GOLGA8H: variants seen among roughly 807,000 people sequenced by gnomAD.
GOLGA8H encodes the protein golgin A8 family member H, also known as golgin subfamily A member 8H.
GOLGA8H carries 47 observed loss-of-function variants against 82.7 expected under a neutral mutation model. The observed-to-expected ratio is 0.57, with a 90% CI of 0.45 to 0.73. The LOEUF (loss-of-function observed/expected upper bound fraction) is 0.73, where lower values mean the gene tolerates loss of function less well. Ranked by LOEUF, GOLGA8H falls within the 30% of genes least tolerant of loss-of-function variation. The pLI, the probability that GOLGA8H is intolerant of heterozygous loss-of-function variation, is 0.00. For missense variants in GOLGA8H, 372 were observed against 661.0 expected, an observed-to-expected ratio of 0.56 and a Z score of 4.79; for synonymous variants, 108 against 241.6, an observed-to-expected ratio of 0.45 and a Z score of 5.13.
chr15:30,606,379 A>G (rs62018321), intron 2 of GOLGA8H, among the ~76,000 whole-genome samples: 77,444 of 147,486 alleles, frequency 0.53, 21,820 homozygotes, highest in African/African-American at 0.65. Flanking sequence ...GGAATTCTGG[A>G]TTTGAATCCT....
Position 30,612,540 on chromosome 15 carries a change from T to A in GOLGA8H, c.1201-57T>A, listed in dbSNP as rs1282066796. 2.6e-6 allele frequency: 4 copies of A among 1,555,824 alleles called. No individual in the cohort carries two copies. In the Admixed American group the frequency reaches 7.0e-5, roughly 27 times the overall value. ...GGGAGGGAGCTGCTGAGGATGGGGC[T>A]GTGAGGGGGACGACCTGGCAAACTC... On this transcript the variant is annotated intron_variant, in intron 13 of 18. Coordinates refer to ENST00000566740, the MANE Select transcript of GOLGA8H (RefSeq NM_001282490.2).
chr15:30,609,837 G>A lies in GOLGA8H; in HGVS notation c.623G>A (p.Trp208Ter), dbSNP rs754698638. 1 of 1,598,282 alleles carries A rather than the reference G, an allele frequency of 6.3e-7. No individual in the cohort carries two copies. The highest frequency in any genetic ancestry group is 8.5e-7 in the Non-Finnish European group (1 of 1,170,668). ...LSSRSKARTE[W>*]KLEQSMREEA... is the part of the protein sequence containing the mutation. Reference sequence around the variant, plus strand: ...AGCCGCAGCAAAGCACGTACGGAGTGGAAGTTAGAGCAGTCCATGCGGGAG... The same window carrying A: ...AGCCGCAGCAAAGCACGTACGGAGTAGAAGTTAGAGCAGTCCATGCGGGAG... Residue 208 changes from tryptophan (W) to a stop codon, truncating the protein, a stop_gained, in exon 9 of 19, where the codon TGG becomes TAG. Coordinates refer to ENST00000566740, the MANE Select transcript of GOLGA8H (RefSeq NM_001282490.2). LOFTEE classifies it high-confidence loss of function.
In GOLGA8H at chr15:30,616,279, C is replaced by T. The variant is rs1289601400; in HGVS notation, c.*1718C>T. 7.4e-5 allele frequency among the ~76,000 whole-genome samples: 11 copies of T among 147,770 alleles called. No homozygotes were observed. The highest frequency in any genetic ancestry group is 2.0e-4 in the East Asian group (1 of 4,984). On this transcript the variant is annotated 3_prime_UTR_variant, in exon 19 of 19. Transcript: ENST00000566740. ...GGGAGATAGGTGTGTGTGCTCCCTGCGGTGGGGATTTCTAGTTACTAGATC... is the reference window on the plus strand; with the variant it reads ...GGGAGATAGGTGTGTGTGCTCCCTGTGGTGGGGATTTCTAGTTACTAGATC...
Position 30,610,123 on chromosome 15 carries a change from C to T in GOLGA8H, c.786+17C>T. 3 of 1,610,222 alleles carry T rather than the reference C, an allele frequency of 1.9e-6. No homozygotes were observed. The highest frequency in any genetic ancestry group is 2.5e-6 in the Non-Finnish European group (3 of 1,179,122). On this transcript the variant is annotated intron_variant, in intron 10 of 18. Transcript: ENST00000566740. ...TCGCAGGAGGTGAGATCTCACCCTT[C>T]AGCCCCCCCACATTAGATAGGTCAC...
In GOLGA8H at chr15:30,617,017, T is replaced by C. The variant is rs1316259481; in HGVS notation, c.*2456T>C. The C allele has an allele frequency of 6.8e-6, 1 of 146,872 alleles. No individual in the cohort carries two copies. The highest frequency in any genetic ancestry group is 1.5e-5 in the Non-Finnish European group (1 of 66,992). The allele number at this position is 146,872 out of a possible 1,614,324, so 9.1% of individuals were successfully genotyped here. On this transcript the variant is annotated 3_prime_UTR_variant, in exon 19 of 19. Transcript: ENST00000566740. Reference sequence around the variant, plus strand: ...CCACTCTTTGTGTAGGTATTTGTCATATATTTAAGAAAAAGCTAAAAAGAA... The same window carrying C: ...CCACTCTTTGTGTAGGTATTTGTCACATATTTAAGAAAAAGCTAAAAAGAA...
intron 1 of GOLGA8H, 106 bp from the exon 2 acceptor site, chr15:30,605,737 C>G: frequency 6.5e-7 from 1 of 1,535,648 alleles, no homozygotes; most frequent in South Asian, 1.2e-5. Flanking sequence ...TTGTTGGTGT[C>G]ATTAAATCAG....
At position 30,613,095 on chromosome 15, in the gene GOLGA8H, C is replaced by T; in HGVS notation, c.1277-9C>T. The T allele has an allele frequency of 4.9e-6, 6 of 1,226,048 alleles. No homozygotes were observed. The highest frequency in any genetic ancestry group is 2.7e-4 in the Middle Eastern group (1 of 3,736). 75.9% of individuals were successfully genotyped at this position (1,226,048 alleles called of 1,614,324 possible). A position where few individuals can be genotyped will look rare whatever the true frequency, so the allele number is the denominator to read the frequency against. ...GTTGTCTGAAGACCCCTCTGGCCAC[C>T]CCCCACAGGACACGGAGGAGAACAT... is the stretch of plus-strand genomic sequence containing the variant. On this transcript the variant is annotated splice_polypyrimidine_tract_variant and intron_variant, in intron 14 of 18. Transcript: ENST00000566740.
chr15:30,609,808 G>T lies in GOLGA8H; in HGVS notation c.594G>T (p.Leu198Phe), dbSNP rs1373262940. The T allele has an allele frequency of 4.6e-6, 7 of 1,528,466 alleles. No homozygotes were observed. The highest frequency in any genetic ancestry group is 6.3e-6 in the Non-Finnish European group (7 of 1,119,086). The allele number at this position is 1,528,466 out of a possible 1,614,324, so 94.7% of individuals were successfully genotyped here. The change falls in exon 9 of 19, where the codon TTG (leucine) becomes TTT (phenylalanine). Residue 198 changes from leucine to phenylalanine, a missense_variant and splice_region_variant. By Grantham distance (22) the Leu-to-Phe change is conservative (BLOSUM62 0). Coordinates refer to ENST00000566740, the MANE Select transcript of GOLGA8H (RefSeq NM_001282490.2). The part of the protein sequence containing the change: ...MATQKKKANQ[L>F]SSRSKARTEW... Reference sequence around the variant, plus strand: ...ACTTCTCACTCTTCACCATCCAGTTGTCCAGCCGCAGCAAAGCACGTACGG... The same window carrying T: ...ACTTCTCACTCTTCACCATCCAGTTTTCCAGCCGCAGCAAAGCACGTACGG...
chr15:30,609,613 C>T (rs1467204126), intron 8 of GOLGA8H, among the ~76,000 whole-genome samples, 193 bp from the exon 9 acceptor site: 1 of 151,522 alleles, frequency 6.6e-6, no homozygotes, highest in Non-Finnish European at 1.5e-5. Flanking sequence ...TGTTAGCCAG[C>T]TATAAATTCA....
Position 30,605,920 on chromosome 15 carries a change from C to T in GOLGA8H, c.126C>T (p.Val42=), listed in dbSNP as rs1349846804. The change falls in exon 2 of 19, where the codon GTC becomes GTT. Residue 42 remains valine (V), a synonymous_variant. Coordinates refer to ENST00000566740, the MANE Select transcript of GOLGA8H (RefSeq NM_001282490.2). ...ANRNRKTNGS[V]PEKATSGGCQ... ...GGAACAGGAAAACAAATGGCAGTGT[C>T]CCTGAGAAAGCCACTTCTGGTGGTT... 6.3e-7 allele frequency: 1 copy of T among 1,595,380 alleles called. No individual in the cohort carries two copies. Among genetic ancestry groups the T allele is most frequent in the Non-Finnish European group, 8.5e-7 (1 of 1,176,838 alleles).
rs1280804224 is a variant in GOLGA8H, at chr15:30,617,273, A to C, written c.*2712A>C. On this transcript the variant is annotated 3_prime_UTR_variant, in exon 19 of 19. Coordinates refer to ENST00000566740, the MANE Select transcript of GOLGA8H (RefSeq NM_001282490.2). Reference sequence around the variant, plus strand: ...TAGGAAGAATCAAAACACCTATTTAAAGATGGCAATATATAATAATCATTT... The same window carrying C: ...TAGGAAGAATCAAAACACCTATTTACAGATGGCAATATATAATAATCATTT... 6.6e-6 allele frequency: 1 copy of C among 152,080 alleles called. No individual in the cohort carries two copies. The highest frequency in any genetic ancestry group is 2.4e-5 in the African/African-American group (1 of 41,396). 9.4% of individuals were successfully genotyped at this position (152,080 alleles called of 1,614,324 possible).
rs1185849509 is a variant in GOLGA8H at position 30,610,193 on chromosome 15, G to A, written c.786+87G>A. On this transcript the variant is annotated intron_variant, in intron 10 of 18. Coordinates refer to ENST00000566740, the MANE Select transcript of GOLGA8H (RefSeq NM_001282490.2). ...GTAAAATGGGAATAGTAGAGCCAGAGGTGGTCATGGGTCTGGGCTTTGTGG... is the reference window on the plus strand; with the variant it reads ...GTAAAATGGGAATAGTAGAGCCAGAAGTGGTCATGGGTCTGGGCTTTGTGG... 9.0e-6 allele frequency: 14 copies of A among 1,557,238 alleles called. No homozygotes were observed. In the Admixed American group the frequency reaches 2.0e-4, roughly 22 times the overall value.
chr15:30,607,734 T>C (rs1257960216), intron 4 of GOLGA8H: 4 of 605,074 alleles, frequency 6.6e-6, no homozygotes, highest in Middle Eastern at 4.4e-4. Context: ...CTTCTCTAAA[T>C]CACAAGTTGC....
chr15:30,605,901 G>A lies in GOLGA8H; in HGVS notation c.107G>A (p.Arg36Lys). 6.3e-7 allele frequency: 1 copy of A among 1,590,304 alleles called. No individual in the cohort carries two copies. The highest frequency in any genetic ancestry group is 8.5e-7 in the Non-Finnish European group (1 of 1,174,424). Residue 36 changes from arginine (R) to lysine (K), a missense_variant, in exon 2 of 19, where the codon AGG (arginine) becomes AAG (lysine). Physicochemically the swap from Arg to Lys is conservative, Grantham distance 26. Coordinates refer to ENST00000566740, the MANE Select transcript of GOLGA8H (RefSeq NM_001282490.2). ...GTTCCAGCAGGAGCGAACAGGAACAGGAAAACAAATGGCAGTGTCCCTGAG... is the reference window on the plus strand; with the variant it reads ...GTTCCAGCAGGAGCGAACAGGAACAAGAAAACAAATGGCAGTGTCCCTGAG... ...PRVPAGANRN[R>K]KTNGSVPEKA... is the part of the protein sequence containing the mutation.
chr15:30,610,032 A>G lies in GOLGA8H; in HGVS notation c.712A>G (p.Arg238Gly). 1 of 1,611,668 alleles carries G rather than the reference A, an allele frequency of 6.2e-7. No homozygotes were observed. The highest frequency in any genetic ancestry group is 8.5e-7 in the Non-Finnish European group (1 of 1,179,734). ...GTCATTTCAACAAGTCCAATTAGAA[A>G]GAGATGAGTGTGCTGAACATCTAAA... ...KESFQQVQLE[R>G]DECAEHLKGE... The change falls in exon 10 of 19, where the codon AGA (arginine) becomes GGA (glycine). Residue 238 changes from arginine to glycine, a missense_variant. Coordinates refer to ENST00000566740, the MANE Select transcript of GOLGA8H (RefSeq NM_001282490.2).
Position 30,616,016 on chromosome 15 carries a change from C to T in GOLGA8H, c.*1455C>T, listed in dbSNP as rs1470049395. Among the ~76,000 whole-genome samples the T allele has an allele frequency of 4.0e-5, 6 of 151,894 alleles. No individual in the cohort carries two copies. Among genetic ancestry groups the T allele is most frequent in the African/African-American group, 9.7e-5 (4 of 41,382 alleles). On this transcript the variant is annotated 3_prime_UTR_variant, in exon 19 of 19. Transcript: ENST00000566740. ...GAAACGTGTCTATACAATCACAGAGCTATATTTTCTCACAGACTTCTTTAC... is the reference window on the plus strand; with the variant it reads ...GAAACGTGTCTATACAATCACAGAGTTATATTTTCTCACAGACTTCTTTAC...
intron 4 of GOLGA8H, chr15:30,607,696 C>T: frequency 5.2e-6 from 3 of 573,666 alleles, no homozygotes; most frequent in South Asian, 4.1e-5. Flanking sequence ...TCCATACATG[C>T]TCAGTAAATG....
Position 30,605,951 on chromosome 15 carries a change from C to A in GOLGA8H, c.157C>A (p.Pro53Thr). ...PEKATSGGCQ[P>T]PGDSATGFHR... ...GAAAGCCACTTCTGGTGGTTGCCAG[C>A]CACCTGGGGATGTGAGTCTTGGCTG... Residue 53 changes from proline to threonine, a missense_variant, in exon 2 of 19, where the codon CCA becomes ACA. Coordinates refer to ENST00000566740, the MANE Select transcript of GOLGA8H (RefSeq NM_001282490.2). 3 of 1,596,464 alleles carry A rather than the reference C, an allele frequency of 1.9e-6. No homozygotes were observed. Among genetic ancestry groups the A allele is most frequent in the Non-Finnish European group, 2.5e-6 (3 of 1,177,174 alleles).
intron 12 of GOLGA8H, 83 bp downstream of exon 12, chr15:30,611,105 A>G: frequency 3.4e-6 from 2 of 590,872 alleles, no homozygotes; most frequent in South Asian, 2.0e-5. Context: ...GGGGCAGTGT[A>G]GCCCTCACAT....
Sources: allele counts gnomAD v4.1 joint callset (sites outside exome capture counted in the v4.1 genomes callset), GRCh38; gene constraint gnomAD v4.1.1; transcripts MANE v1.5; gene names NCBI Gene and HGNC (gene_info 2026-07-23, HGNC 2026-07-21).